The following BMAL2 variants were observed in gnomAD, a reference collection of about 807,000 sequenced individuals.
BMAL2 encodes basic helix-loop-helix ARNT like 2.
chr12:27,420,095 T>C, the BMAL2 span, among the ~76,000 whole-genome samples: 2 of 152,028 alleles, frequency 1.3e-5, no homozygotes, highest in Non-Finnish European at 2.9e-5. Context: ...TCTGAGAGTC[T>C]GTACCCTTTA....
the BMAL2 span, among the ~76,000 whole-genome samples, chr12:27,400,190 A>G: frequency 6.6e-6 from 1 of 152,170 alleles, no homozygotes; most frequent in African/African-American, 2.4e-5. Flanking sequence ...AGGGGGCATG[A>G]GGATTAATTT....
At chr12:27,391,896 C>T in the BMAL2 span, among the ~76,000 whole-genome samples, 4 of 152,180 alleles carry the variant, frequency 2.6e-5, no homozygotes, top group Non-Finnish European at 5.9e-5. Context: ...AGCTGTCTAA[C>T]GTCACATATG....
At chr12:27,389,336 T>A in the BMAL2 span, 3 of 1,341,868 alleles carry the variant, frequency 2.2e-6, no homozygotes, top group Non-Finnish European at 3.2e-6. Context: ...TTTATGTAAA[T>A]GTAATGATCA....
At chr12:27,403,839 GC>G in the BMAL2 span, among the ~76,000 whole-genome samples, 1 of 152,036 alleles carries the variant, frequency 6.6e-6, no homozygotes, top group Non-Finnish European at 1.5e-5. Context: ...CCTTAAACTA[GC>G]CTGTGAATTT....
At chr12:27,373,955 A>G in the BMAL2 span, among the ~76,000 whole-genome samples, 1 of 152,338 alleles carries the variant, frequency 6.6e-6, no homozygotes, top group African/African-American at 2.4e-5. Context: ...GACCAAATTT[A>G]CTAACTATCT....
the BMAL2 span, among the ~76,000 whole-genome samples, chr12:27,407,963 C>A: frequency 6.6e-6 from 1 of 152,168 alleles, no homozygotes; most frequent in Non-Finnish European, 1.5e-5. Flanking sequence ...ATACTATAAA[C>A]ACCTCTACGC....
chr12:27,376,381 C>T, the BMAL2 span: 6 of 1,613,740 alleles, frequency 3.7e-6, no homozygotes, highest in South Asian at 1.1e-5. Context: ...AAAATGAAGG[C>T]CTTCAGGTAC....
At chr12:27,395,969 A>G in the BMAL2 span, among the ~76,000 whole-genome samples, 6 of 152,202 alleles carry the variant, frequency 3.9e-5, no homozygotes, top group Non-Finnish European at 7.3e-5. Context: ...AGTTTCTCTT[A>G]ATATATGGAA....
chr12:27,403,748 A>G, the BMAL2 span, among the ~76,000 whole-genome samples: 1 of 152,166 alleles, frequency 6.6e-6, no homozygotes, highest in Non-Finnish European at 1.5e-5. Flanking sequence ...ATTCACAAAG[A>G]TATATAAAAA....
chr12:27,345,001 C>G, the BMAL2 span, among the ~76,000 whole-genome samples: 70 of 152,326 alleles, frequency 4.6e-4, no homozygotes, highest in African/African-American at 1.6e-3. Flanking sequence ...TCATCACTCT[C>G]TTGGTCATTC....
chr12:27,362,678 A>G, the BMAL2 span, among the ~76,000 whole-genome samples: 1 of 152,102 alleles, frequency 6.6e-6, no homozygotes, highest in Non-Finnish European at 1.5e-5. Context: ...AAAAACCCAA[A>G]TATTCCTAAA....
the BMAL2 span, chr12:27,387,077 A>G: frequency 8.6e-5 from 52 of 604,782 alleles, 1 homozygote; most frequent in Non-Finnish European, 1.3e-4. Flanking sequence ...TCTTAAGAAC[A>G]TTTCTTAAAA....
chr12:27,357,066 G>A, the BMAL2 span, among the ~76,000 whole-genome samples: 5 of 152,130 alleles, frequency 3.3e-5, no homozygotes, highest in East Asian at 3.9e-4. Context: ...CATCCAGGTC[G>A]CTGCAAATGA....
the BMAL2 span, among the ~76,000 whole-genome samples, chr12:27,383,341 T>G: frequency 6.9e-6 from 1 of 144,482 alleles, no homozygotes; most frequent in African/African-American, 2.8e-5. Flanking sequence ...ATTGTTACTG[T>G]CATTTTGATT....
chr12:27,420,712 A>G, the BMAL2 span: 1 of 658,370 alleles, frequency 1.5e-6, no homozygotes, highest in Non-Finnish European at 2.3e-6. Context: ...TTTTCCTCCC[A>G]AGAGAACCAA....
At chr12:27,414,560 G>A in the BMAL2 span, among the ~76,000 whole-genome samples, 8 of 152,204 alleles carry the variant, frequency 5.3e-5, no homozygotes, top group East Asian at 1.3e-3. Context: ...CAACCAGTGG[G>A]TCAAAGAAGA....
At chr12:27,368,054 ACTGGTCTTGAT>A in the BMAL2 span, among the ~76,000 whole-genome samples, 1 of 148,924 alleles carries the variant, frequency 6.7e-6, no homozygotes, top group African/African-American at 2.4e-5. Flanking sequence ...TGTTGGCCAG[ACTGGTCTTGAT>A]CTCCTGACCT....
chr12:27,386,037 C>A, the BMAL2 span, among the ~76,000 whole-genome samples: 1 of 152,134 alleles, frequency 6.6e-6, no homozygotes, highest in Non-Finnish European at 1.5e-5. Context: ...ATTTGCTTCT[C>A]ATGCCCTCGG....
At chr12:27,362,231 CAG>C in the BMAL2 span, among the ~76,000 whole-genome samples, 1 of 152,062 alleles carries the variant, frequency 6.6e-6, no homozygotes, top group Non-Finnish European at 1.5e-5. Context: ...TCTGTGGAGA[CAG>C]ATGGTAATCT....
Sources: allele counts gnomAD v4.1 joint callset (sites outside exome capture counted in the v4.1 genomes callset), GRCh38; gene constraint gnomAD v4.1.1; transcripts MANE v1.5; gene names NCBI Gene and HGNC (gene_info 2026-07-23, HGNC 2026-07-21).